The following KIAA1217 variants were observed in gnomAD, a reference collection of about 807,000 sequenced individuals.
KIAA1217 encodes sickle tail protein homolog.
A neutral mutation model predicts 163.9 loss-of-function variants in KIAA1217; 88 were observed. That is an observed-to-expected ratio of 0.54 (90% CI 0.45 to 0.64). KIAA1217 has a LOEUF of 0.64. Among genes scored for constraint, KIAA1217 ranks in the 30% least tolerant of loss-of-function variants. The pLI is 0.00. For synonymous variants in KIAA1217, 903 were observed against 923.1 expected (o/e 0.98, Z 0.39); for missense variants, 2,372 against 2,475.0 (o/e 0.96, Z 0.88).
chr10:23,918,428 A>C (rs12257720), intron 1 of KIAA1217, among the ~76,000 whole-genome samples: 38,089 of 152,040 alleles, frequency 0.25, 5,001 homozygotes, highest in Middle Eastern at 0.3. Context: ...ATGAAGCATA[A>C]CTGATGCTTG....
rs553295301 is a variant in KIAA1217, at chr10:24,357,016, G to T, written c.355-23853G>T. Among the ~76,000 whole-genome samples, 3 of 152,290 alleles carry T rather than the reference G, an allele frequency of 2.0e-5. No homozygotes were observed. The East Asian group carries it at 5.8e-4, about 29-fold the overall frequency. On this transcript the variant is annotated intron_variant, in intron 2 of 20. Coordinates refer to ENST00000376454, the MANE Select transcript of KIAA1217 (RefSeq NM_019590.5). Reference sequence around the variant, plus strand: ...TAAGTTACAATGAGTTTGAGGCAGGGCCTGGGCTAAGAATTGGTCTCAGAC... The same window carrying T: ...TAAGTTACAATGAGTTTGAGGCAGGTCCTGGGCTAAGAATTGGTCTCAGAC...
chr10:24,531,916 C>T lies in KIAA1217; in HGVS notation c.3169C>T (p.Leu1057=). Residue 1057 remains leucine (L), a synonymous_variant, in exon 15 of 21, where the codon CTG becomes TTG. Coordinates refer to ENST00000376454, the MANE Select transcript of KIAA1217 (RefSeq NM_019590.5). ...TCCGCCACCTCCTCGTCGAAGCTAC[C>T]TGCCAGGATCGGGACTCACCACCAC... The part of the protein sequence containing the change: ...PPPPPPRRSY[L]PGSGLTTTRS... 3.7e-6 allele frequency: 6 copies of T among 1,610,596 alleles called. No individual in the cohort carries two copies. Among genetic ancestry groups the T allele is most frequent in the Non-Finnish European group, 5.1e-6 (6 of 1,177,960 alleles).
intron 2 of KIAA1217, among the ~76,000 whole-genome samples, chr10:24,258,400 G>T (rs891576770): frequency 6.6e-6 from 1 of 152,058 alleles, no homozygotes; most frequent in African/African-American, 2.4e-5. Flanking sequence ...GCTAATAGTT[G>T]GAGGAAGTGA....
intron 1 of KIAA1217, among the ~76,000 whole-genome samples, chr10:24,001,991 G>A (rs1846762592): frequency 6.6e-6 from 1 of 152,140 alleles, no homozygotes; most frequent in African/African-American, 2.4e-5. Flanking sequence ...AGTTGAATAA[G>A]CAACTGCCAG....
intron 1 of KIAA1217, among the ~76,000 whole-genome samples, chr10:23,941,371 A>G (rs1029491974): frequency 2.0e-5 from 3 of 152,220 alleles, no homozygotes; most frequent in Admixed American, 1.3e-4. Flanking sequence ...AGCAGAATAT[A>G]AACAACAATT....
rs564795747 is a variant in KIAA1217, at chr10:24,211,685, T to C, written c.70+2422T>C. Among the ~76,000 whole-genome samples, 5 of 151,838 alleles carry C rather than the reference T, an allele frequency of 3.3e-5. No individual in the cohort carries two copies. In the East Asian group the frequency reaches 9.7e-4, roughly 29 times the overall value. On this transcript the variant is annotated intron_variant, in intron 1 of 20. Transcript: ENST00000376454. ...TTAAATGGGGTAATACTGGGTGCTG[T>C]ATTGAGCACAATCCAAGTAGGGTTG...
At chr10:24,217,596 G>T (rs2069001776) in intron 1 of KIAA1217, among the ~76,000 whole-genome samples, 1 of 152,330 alleles carries the variant, frequency 6.6e-6, no homozygotes, top group Non-Finnish European at 1.5e-5. Context: ...TATACCTAGA[G>T]TTCTATATAC....
intron 10 of KIAA1217, among the ~76,000 whole-genome samples, chr10:24,518,612 C>G (rs2134444641): frequency 6.6e-6 from 1 of 152,316 alleles, no homozygotes; most frequent in South Asian, 2.1e-4. Flanking sequence ...CTTTGCAGGA[C>G]TGGACCCTGT....
In KIAA1217 at chr10:24,024,444, T is replaced by C. The variant is rs546101693; in HGVS notation, c.-171+17070T>C. On this transcript the variant is annotated intron_variant, in intron 2 of 18. Coordinates refer to the KIAA1217 transcript ENST00000376462. ...TTTTTTATTTCTGAATAGTATTATATGGGCATTATTTTTATCCACGCAGTA... is the reference window on the plus strand; with the variant it reads ...TTTTTTATTTCTGAATAGTATTATACGGGCATTATTTTTATCCACGCAGTA... Among the ~76,000 whole-genome samples the C allele has an allele frequency of 1.4e-4, 22 of 151,884 alleles. No homozygotes were observed. In the East Asian group the frequency reaches 4.3e-3, roughly 29 times the overall value.
chr10:23,784,009 GT>G (rs1164584208), intron 1 of KIAA1217, among the ~76,000 whole-genome samples: 3 of 151,206 alleles, frequency 2.0e-5, no homozygotes, highest in East Asian at 1.9e-4. Context: ...ACTTTTGTTG[GT>G]TTTTTTCTGC....
chr10:23,820,202 G>A (rs1482546663), intron 1 of KIAA1217, among the ~76,000 whole-genome samples: 1 of 152,134 alleles, frequency 6.6e-6, no homozygotes, highest in Non-Finnish European at 1.5e-5. Flanking sequence ...AGTAAATCCT[G>A]TTTCCTGACT....
At chr10:23,860,811 G>A (rs1839916715) in intron 1 of KIAA1217, among the ~76,000 whole-genome samples, 2 of 151,704 alleles carry the variant, frequency 1.3e-5, no homozygotes, top group Admixed American at 6.6e-5. Flanking sequence ...CCATTCCTGT[G>A]TTATACAGAG....
chr10:24,029,567 G>T (rs1348183443), intron 2 of KIAA1217, among the ~76,000 whole-genome samples: 1 of 152,130 alleles, frequency 6.6e-6, no homozygotes, highest in Non-Finnish European at 1.5e-5. Context: ...AAGGCCAGAG[G>T]ATTTACTAGC....
chr10:24,521,060 T>TTTTTG (rs1300747497), intron 11 of KIAA1217, among the ~76,000 whole-genome samples: 1 of 148,666 alleles, frequency 6.7e-6, no homozygotes, highest in African/African-American at 2.5e-5. Flanking sequence ...TTTTTTTTTT[T>TTTTTG]TCTGGCCAGG....
At chr10:24,255,181 G>A (rs2075011288) in intron 2 of KIAA1217, 1 of 183,842 alleles carries the variant, frequency 5.4e-6, no homozygotes, top group Non-Finnish European at 1.1e-5. Context: ...GACTGCCACT[G>A]GGTGGAACCC....
intron 2 of KIAA1217, among the ~76,000 whole-genome samples, chr10:24,160,269 A>T (rs1309698298): frequency 6.6e-6 from 1 of 152,230 alleles, no homozygotes; most frequent in Non-Finnish European, 1.5e-5. Flanking sequence ...TCTACAAAAA[A>T]AAAGCCTTCT....
chr10:24,278,923 C>T (rs1301589907), intron 2 of KIAA1217, among the ~76,000 whole-genome samples: 4 of 148,850 alleles, frequency 2.7e-5, no homozygotes, highest in African/African-American at 1.0e-4. Flanking sequence ...GCGGCCCAAT[C>T]TCAGCTCACT....
chr10:24,199,631 C>T (rs560475522), intron 2 of KIAA1217, among the ~76,000 whole-genome samples: 2 of 152,286 alleles, frequency 1.3e-5, no homozygotes, highest in East Asian at 3.9e-4. Context: ...TTATGTGCAA[C>T]CAATGGCAAT....
intron 1 of KIAA1217, among the ~76,000 whole-genome samples, chr10:23,972,762 G>T (rs181841340): frequency 1.1e-3 from 167 of 151,982 alleles, no homozygotes; most frequent in African/African-American, 3.6e-3. Flanking sequence ...ACATACCATG[G>T]AATACTATGT....
Sources: allele counts gnomAD v4.1 joint callset (sites outside exome capture counted in the v4.1 genomes callset), GRCh38; gene constraint gnomAD v4.1.1; transcripts MANE v1.5; gene names NCBI Gene and HGNC (gene_info 2026-07-23, HGNC 2026-07-21).